The following PHOSPHO1 variants were observed in gnomAD, a reference collection of about 807,000 sequenced individuals.
PHOSPHO1 encodes phosphoethanolamine/phosphocholine phosphatase.
In PHOSPHO1, 6 loss-of-function variants were observed where a neutral mutation model predicts 17.7. The observed-to-expected ratio is 0.34, with a 90% confidence interval of 0.19 to 0.67. PHOSPHO1 has a LOEUF of 0.67. Ranked by LOEUF, PHOSPHO1 falls within the 30% of genes least tolerant of loss-of-function variation. The pLI is 0.69. For synonymous variants in PHOSPHO1, 159 were observed against 174.6 expected (o/e 0.91, Z 0.71); for missense variants, 330 against 392.1 (o/e 0.84, Z 1.34).
Position 49,224,973 on chromosome 17 carries a change from C to G in PHOSPHO1, c.77G>C (p.Arg26Pro). 2 of 1,556,880 alleles carry G rather than the reference C, an allele frequency of 1.3e-6. No homozygotes were observed. The highest frequency in any genetic ancestry group is 1.7e-6 in the Non-Finnish European group (2 of 1,151,594). The change falls in exon 3 of 3, where the codon CGC becomes CCC. Residue 26 changes from arginine to proline, a missense_variant. Transcript: ENST00000310544. Reference protein sequence around the residue: ...DGRMAAQGAPRFLLTFDFDET... With the variant: ...DGRMAAQGAPPFLLTFDFDET... The stretch of plus-strand genomic sequence containing the variant: ...GTCGAAGTCGAAGGTCAGGAGGAAG[C>G]GCGGCGCGCCCTGCGCGGCCATCCT...
At chr17:49,225,249 C>T (rs2043341359) in intron 2 of PHOSPHO1, 4 of 1,408,140 alleles carry the variant, frequency 2.8e-6, no homozygotes, top group Non-Finnish European at 3.7e-6. Flanking sequence ...GGGGTTTATG[C>T]CCAGAGGGCT....
chr17:49,225,610 G>C, intron 2 of PHOSPHO1: 2 of 1,292,440 alleles, frequency 1.5e-6, no homozygotes, highest in Non-Finnish European at 2.0e-6. Context: ...AGCTTCTTCG[G>C]GGAGTTTTAG....
rs529857123 is a variant in PHOSPHO1 at position 49,225,452 on chromosome 17, C to G, written c.46-448G>C. 1.2e-4 allele frequency: 117 copies of G among 985,392 alleles called. No homozygotes were observed. The African/African-American group carries it at 1.9e-3, about 16-fold the overall frequency. The allele number at this position is 985,392 out of a possible 1,614,324, so 61.0% of individuals were successfully genotyped here. A position where few individuals can be genotyped will look rare whatever the true frequency, so the allele number is the denominator to read the frequency against. Reference sequence around the variant, plus strand: ...GGTGGGAACTCTCCCCTCCCTCATTCCCTGAGGTAGAGTCAAGGGAAACCA... The same window carrying G: ...GGTGGGAACTCTCCCCTCCCTCATTGCCTGAGGTAGAGTCAAGGGAAACCA... On this transcript the variant is annotated intron_variant, in intron 2 of 2. Coordinates refer to ENST00000310544, the MANE Select transcript of PHOSPHO1 (RefSeq NM_178500.4).
chr17:49,225,174 A>G (rs1471291320), intron 2 of PHOSPHO1, 170 bp from the exon 3 acceptor site: 3 of 1,431,750 alleles, frequency 2.1e-6, no homozygotes, highest in South Asian at 1.5e-5. Context: ...GGAGTACCCA[A>G]TGCCACCACC....
At chr17:49,226,202 C>G (rs2043354876) in intron 2 of PHOSPHO1, among the ~76,000 whole-genome samples, 2 of 152,106 alleles carry the variant, frequency 1.3e-5, no homozygotes. Context: ...TTTCTCCCGC[C>G]CAGCTCCCAC....
rs1380270843 is a variant in PHOSPHO1, at chr17:49,223,643, G to A, written c.*603C>T. On this transcript the variant is annotated 3_prime_UTR_variant, in exon 3 of 3. Transcript: ENST00000310544. ...CTCGTACCACCACCAGGAGGCGATT[G>A]TTCCTCTGGCTTTTCCTTTGGGGGT... 1 of 152,822 alleles carries A rather than the reference G, an allele frequency of 6.5e-6. No homozygotes were observed. Among genetic ancestry groups the A allele is most frequent in the Non-Finnish European group, 1.5e-5 (1 of 68,228 alleles). 9.5% of individuals were successfully genotyped at this position (152,822 alleles called of 1,614,324 possible).
chr17:49,224,974 G>A lies in PHOSPHO1; in HGVS notation c.76C>T (p.Arg26Cys), dbSNP rs2043336235. ...TCGAAGTCGAAGGTCAGGAGGAAGC[G>A]CGGCGCGCCCTGCGCGGCCATCCTG... ...DGRMAAQGAP[R>C]FLLTFDFDET... is the part of the protein sequence containing the mutation. The change falls in exon 3 of 3, where the codon CGC (arginine) becomes TGC (cysteine). Residue 26 changes from arginine to cysteine, a missense_variant. By Grantham distance (180) the Arg-to-Cys change is radical (BLOSUM62 -3). Coordinates refer to ENST00000310544, the MANE Select transcript of PHOSPHO1 (RefSeq NM_178500.4). 1 of 1,558,022 alleles carries A rather than the reference G, an allele frequency of 6.4e-7. No individual in the cohort carries two copies. Among genetic ancestry groups the A allele is most frequent in the Non-Finnish European group, 8.7e-7 (1 of 1,152,250 alleles).
Position 49,230,539 on chromosome 17 carries a change from G to C in PHOSPHO1, c.-139C>G, listed in dbSNP as rs997305298. The C allele has an allele frequency of 1.3e-5, 2 of 152,578 alleles. No homozygotes were observed. The highest frequency in any genetic ancestry group is 4.8e-5 in the African/African-American group (2 of 41,428). 9.5% of individuals were successfully genotyped at this position (152,578 alleles called of 1,614,324 possible). A position where few individuals can be genotyped will look rare whatever the true frequency, so the allele number is the denominator to read the frequency against. On this transcript the variant is annotated 5_prime_UTR_variant, in exon 1 of 3. Coordinates refer to ENST00000310544, the MANE Select transcript of PHOSPHO1 (RefSeq NM_178500.4). ...TAAGAAGTGGGGAAGGGGGCTAGCT[G>C]AGGTATTGGGGCGCAGGATGGAGCA...
chr17:49,228,867 C>T lies in PHOSPHO1; in HGVS notation c.-68+1601G>A, dbSNP rs910187694. On this transcript the variant is annotated intron_variant, in intron 1 of 2. Transcript: ENST00000310544. Reference sequence around the variant, plus strand: ...CCCAGCTACTTGGGAGGCTGAGGCACGAGGATCACTTAAACCCAGGAGACA... The same window carrying T: ...CCCAGCTACTTGGGAGGCTGAGGCATGAGGATCACTTAAACCCAGGAGACA... 4.0e-5 allele frequency among the ~76,000 whole-genome samples: 6 copies of T among 150,774 alleles called. No individual in the cohort carries two copies. In the East Asian group the frequency reaches 7.8e-4, roughly 20 times the overall value.
Position 49,225,018 on chromosome 17 carries a change from G to C in PHOSPHO1, c.46-14C>G, listed in dbSNP as rs748385894. On this transcript the variant is annotated splice_polypyrimidine_tract_variant and intron_variant, in intron 2 of 2. Coordinates refer to ENST00000310544, the MANE Select transcript of PHOSPHO1 (RefSeq NM_178500.4). The stretch of plus-strand genomic sequence containing the variant: ...CATCCTGCCGTCCTGGGAGCAGGGG[G>C]GAGAGCAGCAGGAGGAGGAGGAGGA... 4 of 1,493,914 alleles carry C rather than the reference G, an allele frequency of 2.7e-6. No individual in the cohort carries two copies. The East Asian group carries it at 9.7e-5, about 36-fold the overall frequency. 92.5% of individuals were successfully genotyped at this position (1,493,914 alleles called of 1,614,324 possible). A position where few individuals can be genotyped will look rare whatever the true frequency, so the allele number is the denominator to read the frequency against.
chr17:49,227,704 C>T (rs879191150), intron 1 of PHOSPHO1, among the ~76,000 whole-genome samples: 16 of 152,178 alleles, frequency 1.1e-4, no homozygotes, highest in African/African-American at 2.9e-4. Context: ...AGGACAGAGA[C>T]GGGGACATCC....
At chr17:49,227,565 A>G (rs2043369451) in intron 1 of PHOSPHO1, among the ~76,000 whole-genome samples, 1 of 152,172 alleles carries the variant, frequency 6.6e-6, no homozygotes, top group Non-Finnish European at 1.5e-5. Flanking sequence ...GAGCCAGGAG[A>G]CAAGACCTTG....
In PHOSPHO1 at chr17:49,226,189, G is replaced by A. The variant is rs147856915; in HGVS notation, c.45+458C>T. On this transcript the variant is annotated intron_variant, in intron 2 of 2. Coordinates refer to ENST00000310544, the MANE Select transcript of PHOSPHO1 (RefSeq NM_178500.4). ...TGCAGCTTCCAGATACCCACACACTGCTTTTCTCCCGCCCAGCTCCCACCC... is the reference window on the plus strand; with the variant it reads ...TGCAGCTTCCAGATACCCACACACTACTTTTCTCCCGCCCAGCTCCCACCC... Among the ~76,000 whole-genome samples, 485 of 152,192 alleles carry A rather than the reference G, an allele frequency of 3.2e-3. 2 individuals are homozygous for A. Among genetic ancestry groups the A allele is most frequent in the African/African-American group, 0.011 (459 of 41,520 alleles).
In PHOSPHO1 at chr17:49,225,283, C is replaced by G. The variant is rs2043342001; in HGVS notation, c.46-279G>C. The G allele has an allele frequency of 4.1e-6, 4 of 985,352 alleles. No individual in the cohort carries two copies. In the South Asian group the frequency reaches 1.9e-4, roughly 46 times the overall value. The allele number at this position is 985,352 out of a possible 1,614,324, so 61.0% of individuals were successfully genotyped here. On this transcript the variant is annotated intron_variant, in intron 2 of 2. Transcript: ENST00000310544. ...CTTCTCGGCACCTGTTTCCCCTACT[C>G]TCATCGAGGGCCAATGGGGCTTAAC...
At position 49,224,854 on chromosome 17, in the gene PHOSPHO1, C is replaced by T; in HGVS notation, c.196G>A (p.Gly66Ser). The change falls in exon 3 of 3, where the codon GGC becomes AGC. Residue 66 changes from glycine to serine, a missense_variant. Coordinates refer to ENST00000310544, the MANE Select transcript of PHOSPHO1 (RefSeq NM_178500.4). ...PESLRATYRE[G>S]FYNEYMQRVF... ...CGCTGCATGTACTCGTTGTAGAAGC[C>T]CTCGCGGTAGGTGGCTCGCAGGCTC... The T allele has an allele frequency of 2.5e-6, 4 of 1,607,230 alleles. No individual in the cohort carries two copies. The highest frequency in any genetic ancestry group is 3.4e-6 in the Non-Finnish European group (4 of 1,177,242).
At chr17:49,225,027 CAGGAGG>C in intron 2 of PHOSPHO1, 23 bp from the exon 3 acceptor site, 4 of 1,474,226 alleles carry the variant, frequency 2.7e-6, no homozygotes, top group Non-Finnish European at 2.7e-6. Context: ...GGGAGAGCAG[CAGGAGG>C]AGGAGGAGGA....
intron 2 of PHOSPHO1, chr17:49,225,542 C>T: frequency 4.1e-6 from 5 of 1,225,238 alleles, no homozygotes; most frequent in Non-Finnish European, 5.2e-6. Flanking sequence ...GAATCTATGG[C>T]TCTCTGGGAG....
intron 2 of PHOSPHO1, chr17:49,225,731 G>A: frequency 7.8e-7 from 1 of 1,287,086 alleles, no homozygotes; most frequent in Non-Finnish European, 1.0e-6. Context: ...AGGAGAAGCA[G>A]TGGGGCTTGG....
At chr17:49,228,513 G>A (rs1046657982) in intron 1 of PHOSPHO1, among the ~76,000 whole-genome samples, 13 of 152,014 alleles carry the variant, frequency 8.6e-5, no homozygotes, top group African/African-American at 2.2e-4. Context: ...AATTAAGGCC[G>A]GGCGTGGTGG....
Sources: gnomAD v4.1 joint callset for allele counts (sites outside exome capture counted in the v4.1 genomes callset) on GRCh38, gnomAD v4.1.1 for gene constraint, MANE v1.5 for transcripts, NCBI Gene and HGNC (gene_info 2026-07-23, HGNC 2026-07-21) for gene names.